The following KCNA3 variants were observed in gnomAD, a reference collection of about 807,000 sequenced individuals.
The protein encoded by KCNA3 is potassium voltage-gated channel subfamily A member 3, also known as RP11-284N8.3.
Under a neutral mutation model 34.3 loss-of-function variants are expected in KCNA3, and 18 were observed. The ratio of observed to expected loss-of-function variants is 0.52; its 90% CI spans 0.36 to 0.78. The LOEUF is 0.78. Ranked by LOEUF, KCNA3 falls within the 30% of genes least tolerant of loss-of-function variation. KCNA3 has a pLI of 0.00. For synonymous variants in KCNA3, 324 were observed against 351.7 expected, an observed-to-expected ratio of 0.92 and a Z score of 0.88; for missense variants, 587 against 802.5, an observed-to-expected ratio of 0.73 and a Z score of 3.24.
the KCNA3 span, among the ~76,000 whole-genome samples, chr1:110,658,326 C>T: frequency 1.3e-5 from 2 of 152,078 alleles, no homozygotes; most frequent in African/African-American, 4.8e-5. Flanking sequence ...TCTACAAGTG[C>T]TCTTATTATA....
At chr1:110,664,909 T>C in the KCNA3 span, among the ~76,000 whole-genome samples, 26 of 152,316 alleles carry the variant, frequency 1.7e-4, no homozygotes, top group African/African-American at 5.3e-4. Flanking sequence ...AGCTATCAGA[T>C]GCCAGAACAT....
downstream of KCNA3, among the ~76,000 whole-genome samples, chr1:110,669,940 T>C (rs1651824419): frequency 6.6e-6 from 1 of 152,214 alleles, no homozygotes; most frequent in Non-Finnish European, 1.5e-5. Context: ...TATAATCTCT[T>C]AGCAAAATCT....
chr1:110,672,322 A>G (rs144693047), downstream of KCNA3: 4 of 152,796 alleles, frequency 2.6e-5, no homozygotes, highest in East Asian at 7.7e-4. Context: ...TCTCTCAGCA[A>G]CACTGAAAAC....
the KCNA3 span, among the ~76,000 whole-genome samples, chr1:110,658,747 T>C: frequency 1.3e-5 from 2 of 152,234 alleles, no homozygotes; most frequent in East Asian, 3.9e-4. Context: ...GAATGTGCTT[T>C]GTCTCACCAC....
At chr1:110,659,691 G>A in the KCNA3 span, among the ~76,000 whole-genome samples, 1 of 151,976 alleles carries the variant, frequency 6.6e-6, no homozygotes, top group Middle Eastern at 3.2e-3. Flanking sequence ...CAGCCCAAAT[G>A]TCCCCAATGA....
downstream of KCNA3, among the ~76,000 whole-genome samples, chr1:110,668,299 TTA>T (rs1194056665): frequency 2.6e-5 from 4 of 152,218 alleles, no homozygotes; most frequent in East Asian, 7.7e-4. Context: ...GTGGGAAGGG[TTA>T]TCACTTCTAT....
rs1652005987 is a variant in KCNA3, at chr1:110,674,455, G to A, written c.355C>T (p.Leu119=). The A allele has an allele frequency of 6.2e-7, 1 of 1,614,076 alleles. No individual in the cohort carries two copies. ...NISGLRFETQ[L]KTLCQFPETL... is the part of the protein sequence containing the mutation. ...TCGGGGAACTGGCAAAGGGTCTTCA[G>A]CTGCGTCTCGAAGCGCAGCCCGGAG... Residue 119 remains leucine, a synonymous_variant, in exon 1 of 1, where the codon CTG becomes TTG. Transcript: ENST00000369769. The surrounding 1 kb of genome is among the most constrained non-coding windows in gnomAD (Gnocchi z 6.4).
At chr1:110,667,899 A>G (rs909671949), downstream of KCNA3, among the ~76,000 whole-genome samples, 2 of 152,168 alleles carry the variant, frequency 1.3e-5, no homozygotes, top group Admixed American at 6.5e-5. Context: ...ATCATATGCT[A>G]TATAGCAATG....
chr1:110,669,751 T>C (rs1651818667), downstream of KCNA3, among the ~76,000 whole-genome samples: 1 of 152,208 alleles, frequency 6.6e-6, no homozygotes, highest in Non-Finnish European at 1.5e-5. Context: ...CCTCCTAAAA[T>C]GAGGTTAATA....
chr1:110,674,619 G>A lies in KCNA3; in HGVS notation c.191C>T (p.Pro64Leu). The A allele has an allele frequency of 1.3e-6, 2 of 1,556,334 alleles. No homozygotes were observed. The highest frequency in any genetic ancestry group is 8.6e-7 in the Non-Finnish European group (1 of 1,160,108). The change falls in exon 1 of 1, where the codon CCG (proline) becomes CTG (leucine). Residue 64 changes from proline to leucine, a missense_variant. By Grantham distance (98) the Pro-to-Leu change is moderately conservative (BLOSUM62 -3). Around this residue, in one of 7 missense-constraint regions of KCNA3, gnomAD observed 341 missense variants for 355.4 expected, o/e 0.96. Transcript: ENST00000369769. The surrounding 1 kb of genome is among the most constrained non-coding windows in gnomAD (Gnocchi z 6.4). ...TVVPGDHLLE[P>L]EVADGGGAPP... ...GGCCCCTCCACCATCGGCCACCTCCGGCTCCAGCAGGTGGTCCCCGGGCAC... is the reference window on the plus strand; with the variant it reads ...GGCCCCTCCACCATCGGCCACCTCCAGCTCCAGCAGGTGGTCCCCGGGCAC...
the KCNA3 span, chr1:110,655,207 C>T: frequency 6.6e-6 from 1 of 151,428 alleles, no homozygotes; most frequent in African/African-American, 2.4e-5. Flanking sequence ...GAAATTATAC[C>T]ATTCTGTGGG....
the KCNA3 span, chr1:110,654,452 C>T: frequency 6.6e-6 from 1 of 152,004 alleles, no homozygotes; most frequent in Non-Finnish European, 1.5e-5. Context: ...TTGATTACTG[C>T]TTTATTCAAC....
In KCNA3 at chr1:110,673,094, G is replaced by T; in HGVS notation, c.1716C>A (p.Phe572Leu). The part of the protein sequence containing the change: ...PNSCVNIKKI[F>L]TDV Reference sequence around the variant, plus strand: ...CTTGTATCACATATTAAACATCGGTGAATATCTTTTTGATGTTGACACAAG... The same window carrying T: ...CTTGTATCACATATTAAACATCGGTTAATATCTTTTTGATGTTGACACAAG... Residue 572 changes from phenylalanine (F) to leucine (L), a missense_variant, in exon 1 of 1, where the codon TTC becomes TTA. By Grantham distance (22) the Phe-to-Leu change is conservative. This residue lies in a region of KCNA3 where 95 missense variants were observed against 107.3 expected (regional missense o/e 0.89). Transcript: ENST00000369769. The surrounding 1 kb of genome is among the most constrained non-coding windows in gnomAD (Gnocchi z 8.8). 1 of 1,610,430 alleles carries T rather than the reference G, an allele frequency of 6.2e-7. No individual in the cohort carries two copies. Among genetic ancestry groups the T allele is most frequent in the Non-Finnish European group, 8.5e-7 (1 of 1,178,116 alleles).
the KCNA3 span, chr1:110,653,913 G>A: frequency 1.3e-5 from 2 of 152,234 alleles, no homozygotes; most frequent in Non-Finnish European, 2.9e-5. Flanking sequence ...CTTATTTGAT[G>A]AAGAGAACTA....
At position 110,673,921 on chromosome 1, in the gene KCNA3, C is replaced by G; in HGVS notation, c.889G>C (p.Val297Leu). The G allele has an allele frequency of 6.2e-7, 1 of 1,614,110 alleles. No individual in the cohort carries two copies. Among genetic ancestry groups the G allele is most frequent in the Non-Finnish European group, 8.5e-7 (1 of 1,180,004 alleles). The change falls in exon 1 of 1, where the codon GTG (valine) becomes CTG (leucine). Residue 297 changes from valine to leucine, a missense_variant. Physicochemically the swap from Val to Leu is conservative, Grantham distance 32. Around this residue, in one of 7 missense-constraint regions of KCNA3, gnomAD observed 84 missense variants for 223.1 expected, o/e 0.38. Coordinates refer to ENST00000369769, the MANE Select transcript of KCNA3 (RefSeq NM_002232.5). The surrounding 1 kb of genome is among the most constrained non-coding windows in gnomAD (Gnocchi z 8.8). ...CAGATGATGCACAGCGTCTCCACCA[C>G]GAAGAAGGGATCGGAGAAGCTGGAG... ...GASSFSDPFF[V>L]VETLCIIWFS...
rs1355260892 is a variant in KCNA3, at chr1:110,674,014, G to C, written c.796C>G (p.Pro266Ala). 5 of 1,611,426 alleles carry C rather than the reference G, an allele frequency of 3.1e-6. No individual in the cohort carries two copies. The African/African-American group carries it at 4.0e-5, about 13-fold the overall frequency. Reference sequence around the variant, plus strand: ...AATGAGTCCTGCGACGTCGAGGCGGGGTAGTCCTTCTCGTCGCGGAACTCC... The same window carrying C: ...AATGAGTCCTGCGACGTCGAGGCGGCGTAGTCCTTCTCGTCGCGGAACTCC... ...LPEFRDEKDY[P>A]ASTSQDSFEA... is the part of the protein sequence containing the mutation. Residue 266 changes from proline (P) to alanine (A), a missense_variant, in exon 1 of 1, where the codon CCC becomes GCC. Transcript: ENST00000369769. The surrounding 1 kb of genome is among the most constrained non-coding windows in gnomAD (Gnocchi z 6.4).
downstream of KCNA3, among the ~76,000 whole-genome samples, chr1:110,667,610 C>T (rs549501711): frequency 1.3e-4 from 20 of 152,166 alleles, no homozygotes; most frequent in Admixed American, 2.0e-4. Context: ...CAACATGGAT[C>T]CCAAGAAAAT....
At position 110,674,009 on chromosome 1, in the gene KCNA3, G is replaced by A. The variant is rs1391235655; in HGVS notation, c.801C>T (p.Ala267=). 9 of 1,612,772 alleles carry A rather than the reference G, an allele frequency of 5.6e-6. No homozygotes were observed. The highest frequency in any genetic ancestry group is 7.6e-6 in the Non-Finnish European group (9 of 1,179,332). ...PEFRDEKDYP[A]STSQDSFEAA... The stretch of plus-strand genomic sequence containing the variant: ...CTTCGAATGAGTCCTGCGACGTCGA[G>A]GCGGGGTAGTCCTTCTCGTCGCGGA... The change falls in exon 1 of 1, where the codon GCC becomes GCT. Residue 267 remains alanine, a synonymous_variant. Transcript: ENST00000369769. The surrounding 1 kb of genome is among the most constrained non-coding windows in gnomAD (Gnocchi z 6.4).
the KCNA3 span, chr1:110,655,116 T>A: frequency 6.6e-6 from 1 of 152,210 alleles, no homozygotes; most frequent in East Asian, 1.9e-4. Context: ...AAATACTACA[T>A]ACACTGTTTG....
Sources: gnomAD v4.1 joint callset for allele counts (sites outside exome capture counted in the v4.1 genomes callset) on GRCh38, gnomAD v4.1.1 for gene constraint, gnomAD v4.1.1 regional missense constraint, Gnocchi (gnomAD v3.1) non-coding constraint, MANE v1.5 for transcripts, NCBI Gene and HGNC (gene_info 2026-07-23, HGNC 2026-07-21) for gene names.